The following SLC16A8 variants were observed in gnomAD, a reference collection of about 807,000 sequenced individuals.
The protein encoded by SLC16A8 is monocarboxylate transporter 3.
In SLC16A8, 20 loss-of-function variants were observed where a neutral mutation model predicts 22.4. The ratio of observed to expected loss-of-function variants is 0.89; its 90% CI spans 0.63 to 1.30. The LOEUF is 1.30. SLC16A8 is among the 50% of genes most tolerant of loss of function. SLC16A8 has a pLI of 0.00. For synonymous variants in SLC16A8, 393 were observed against 358.8 expected, an observed-to-expected ratio of 1.10 and a Z score of -1.08; for missense variants, 817 against 740.3, an observed-to-expected ratio of 1.10 and a Z score of -1.20.
At chr22:38,082,557 G>A in intron 3 of SLC16A8, 103 bp downstream of exon 3, 2 of 1,001,068 alleles carry the variant, frequency 2.0e-6, no homozygotes, top group South Asian at 1.7e-5. Context: ...AGGGACTTCG[G>A]GGGCCACCCC....
Position 38,081,403 on chromosome 22 carries a change from C to A in SLC16A8, c.635G>T (p.Arg212Leu). The A allele has an allele frequency of 7.4e-7, 1 of 1,358,730 alleles. No individual in the cohort carries two copies. Among genetic ancestry groups the A allele is most frequent in the Non-Finnish European group, 9.4e-7 (1 of 1,061,210 alleles). The allele number at this position is 1,358,730 out of a possible 1,614,324, so 84.2% of individuals were successfully genotyped here. Residue 212 changes from arginine to leucine, a missense_variant, in exon 5 of 6, where the codon CGC becomes CTC. Coordinates refer to ENST00000681075, the MANE Select transcript of SLC16A8 (RefSeq NM_013356.3). Reference protein sequence around the residue: ...PRPRRDSAGDRAGDAPGEAEA... With the variant: ...PRPRRDSAGDLAGDAPGEAEA... The stretch of plus-strand genomic sequence containing the variant: ...CGCCTCGCCCGGAGCGTCCCCGGCG[C>A]GGTCGCCGGCGCTGTCCCTGCGCGG...
Position 38,078,649 on chromosome 22 carries a change from A to G in SLC16A8, c.1254T>C (p.Ser418=). The change falls in exon 6 of 6, where the codon TCT becomes TCC. Residue 418 remains serine (S), a synonymous_variant. Coordinates refer to ENST00000681075, the MANE Select transcript of SLC16A8 (RefSeq NM_013356.3). The part of the protein sequence containing the change: ...NYEIIFYLAG[S]EVALAGVFMA... ...TGAAGACCCCAGCCAGGGCCACCTCAGAGCCGGCCAGGTAGAAGATGATCT... is the reference window on the plus strand; with the variant it reads ...TGAAGACCCCAGCCAGGGCCACCTCGGAGCCGGCCAGGTAGAAGATGATCT... The G allele has an allele frequency of 6.2e-7, 1 of 1,613,716 alleles. No homozygotes were observed. Among genetic ancestry groups the G allele is most frequent in the Non-Finnish European group, 8.5e-7 (1 of 1,179,672 alleles).
At position 38,082,707 on chromosome 22, in the gene SLC16A8, TCG is replaced by T. The variant is rs1289634548; in HGVS notation, c.165_166del (p.Ser55ArgfsTer168). The T allele has an allele frequency of 1.9e-6, 3 of 1,591,004 alleles. No individual in the cohort carries two copies. In the South Asian group the frequency reaches 3.4e-5, roughly 18 times the overall value. ...CATGATGGAGGACACCCAGGCCGTG[TCG>T]CTGTAGCCGGCGTCGAAGTCGCGCA... On this transcript the variant is annotated frameshift_variant, in exon 3 of 6. Transcript: ENST00000681075. LOFTEE classifies it high-confidence loss of function.
intron 5 of SLC16A8, among the ~76,000 whole-genome samples, chr22:38,079,069 G>T (rs1234171945): frequency 6.6e-6 from 1 of 152,014 alleles, no homozygotes; most frequent in Non-Finnish European, 1.5e-5. Context: ...CCTCCTGGGG[G>T]CCTCCACCTC....
At chr22:38,078,902 C>T (rs1258068381) in intron 5 of SLC16A8, among the ~76,000 whole-genome samples, 198 bp from the exon 6 acceptor site, 1 of 152,274 alleles carries the variant, frequency 6.6e-6, no homozygotes, top group Non-Finnish European at 1.5e-5. Context: ...AAAAATGTCA[C>T]TTGCTGTCCC....
intron 5 of SLC16A8, 63 bp from the exon 6 acceptor site, chr22:38,078,767 T>A: frequency 4.8e-6 from 7 of 1,472,668 alleles, no homozygotes; most frequent in Non-Finnish European, 6.5e-6. Flanking sequence ...CTCACTCTCC[T>A]GCACTCTCAG....
Position 38,081,984 on chromosome 22 carries a change from A to AT in SLC16A8, c.262dup (p.Met88AsnfsTer136). On this transcript the variant is annotated frameshift_variant, in exon 4 of 6. Coordinates refer to ENST00000681075, the MANE Select transcript of SLC16A8 (RefSeq NM_013356.3). LOFTEE classifies it high-confidence loss of function. ...GGAAGCCAGCAGCCCACCCGCCAGC[A>AT]TCACCGGGCGACAGCCAAAGCGGGT... 1 of 1,572,914 alleles carries AT rather than the reference A, an allele frequency of 6.4e-7. No homozygotes were observed. Among genetic ancestry groups the AT allele is most frequent in the Non-Finnish European group, 8.6e-7 (1 of 1,159,504 alleles).
At chr22:38,080,224 A>G (rs2085895853) in intron 5 of SLC16A8, among the ~76,000 whole-genome samples, 1 of 151,966 alleles carries the variant, frequency 6.6e-6, no homozygotes, top group South Asian at 2.1e-4. Flanking sequence ...CTGCCCATCC[A>G]TGCTGTGCCT....
At position 38,078,594 on chromosome 22, in the gene SLC16A8, A is replaced by G; in HGVS notation, c.1309T>C (p.Cys437Arg). Residue 437 changes from cysteine to arginine, a missense_variant, in exon 6 of 6, where the codon TGT becomes CGT. Coordinates refer to ENST00000681075, the MANE Select transcript of SLC16A8 (RefSeq NM_013356.3). The stretch of plus-strand genomic sequence containing the variant: ...GGGCCTGACGGGGCAGCTTTAGCAC[A>G]ACGCAGGCAGCAGTTGGTGGCGACA... ...MAVATNCCLRCAKAAPSGPGT... is the reference protein window; with the variant it reads ...MAVATNCCLRRAKAAPSGPGT... 6.2e-7 allele frequency: 1 copy of G among 1,614,118 alleles called. No homozygotes were observed. Among genetic ancestry groups the G allele is most frequent in the Non-Finnish European group, 8.5e-7 (1 of 1,180,026 alleles).
chr22:38,083,977 A>G lies in SLC16A8; in HGVS notation c.-329+11T>C, dbSNP rs906874385. ...GAGGGTGATCCCAGGCAGCCCTCACATCACACTCACCTGAGCCTGCCTCGT... is the reference window on the plus strand; with the variant it reads ...GAGGGTGATCCCAGGCAGCCCTCACGTCACACTCACCTGAGCCTGCCTCGT... On this transcript the variant is annotated intron_variant, in intron 1 of 5. Transcript: ENST00000681075. 6.6e-6 allele frequency: 1 copy of G among 152,160 alleles called. No individual in the cohort carries two copies. Among genetic ancestry groups the G allele is most frequent in the East Asian group, 1.9e-4 (1 of 5,178 alleles). 9.4% of individuals were successfully genotyped at this position (152,160 alleles called of 1,614,324 possible).
In SLC16A8 at chr22:38,080,861, G is replaced by C. The variant is rs908631066; in HGVS notation, c.1177C>G (p.Leu393Val). 11 of 1,533,624 alleles carry C rather than the reference G, an allele frequency of 7.2e-6. No homozygotes were observed. The highest frequency in any genetic ancestry group is 9.6e-6 in the Non-Finnish European group (11 of 1,147,274). ...LVLLVEAAAV[L>V]IGPPSAGRLV... ...GCACCGGCAGAGGGCGGTCCGATGA[G>C]CACAGCCGCGGCCTCCACGAGCAAC... Residue 393 changes from leucine (L) to valine (V), a missense_variant, in exon 5 of 6, where the codon CTC becomes GTC. Coordinates refer to ENST00000681075, the MANE Select transcript of SLC16A8 (RefSeq NM_013356.3).
rs1261871520 is a variant in SLC16A8 at position 38,082,683 on chromosome 22, A to C, written c.191T>G (p.Met64Arg). 1.0e-5 allele frequency: 16 copies of C among 1,586,266 alleles called. No individual in the cohort carries two copies. The highest frequency in any genetic ancestry group is 1.3e-5 in the African/African-American group (1 of 74,612). ...ACCCGTGCCGTAGAGCATGGCTAGC[A>C]TGATGGAGGACACCCAGGCCGTGTC... ...YSDTAWVSSIMLAMLYGTGPV... is the reference protein window; with the variant it reads ...YSDTAWVSSIRLAMLYGTGPV... The change falls in exon 3 of 6, where the codon ATG (methionine) becomes AGG (arginine). Residue 64 changes from methionine to arginine, a missense_variant. Coordinates refer to ENST00000681075, the MANE Select transcript of SLC16A8 (RefSeq NM_013356.3).
At position 38,082,764 on chromosome 22, in the gene SLC16A8, TTGGGGAA is replaced by T. The variant is rs1376125664; in HGVS notation, c.103_109del (p.Phe35LysfsTer3). On this transcript the variant is annotated frameshift_variant, in exon 3 of 6. Coordinates refer to ENST00000681075, the MANE Select transcript of SLC16A8 (RefSeq NM_013356.3). LOFTEE classifies it high-confidence loss of function. ...CGCGCGGAAGAAGACGCTCACGGCT[TTGGGGAA>T]GCCGTAGGCGAAGCCGGTGACCACA... 5 of 1,595,076 alleles carry T rather than the reference TTGGGGAA, an allele frequency of 3.1e-6. No individual in the cohort carries two copies.
intron 5 of SLC16A8, among the ~76,000 whole-genome samples, chr22:38,078,951 A>G (rs2085882652): frequency 6.6e-6 from 1 of 152,148 alleles, no homozygotes; most frequent in African/African-American, 2.4e-5. Flanking sequence ...GCTTCTGGTG[A>G]GGCGTCCCCT....
chr22:38,079,588 ATTTTG>A (rs552251781), intron 5 of SLC16A8, among the ~76,000 whole-genome samples: 1 of 151,756 alleles, frequency 6.6e-6, no homozygotes, highest in African/African-American at 2.4e-5. Flanking sequence ...CACCTAGCTA[ATTTTG>A]TTTTGTTTTG....
chr22:38,082,137 G>A (rs2085927700), intron 3 of SLC16A8, 105 bp from the exon 4 acceptor site: 3 of 1,326,858 alleles, frequency 2.3e-6, no homozygotes, highest in East Asian at 2.6e-5. Flanking sequence ...GCAGTGTCTG[G>A]CCAAGGTCAC....
chr22:38,081,820 C>G, intron 4 of SLC16A8, 69 bp downstream of exon 4: 1 of 1,519,426 alleles, frequency 6.6e-7, no homozygotes, highest in Non-Finnish European at 8.8e-7. Context: ...ATAGGGAAAC[C>G]GAGGACAGAT....
At chr22:38,082,919 G>T (rs1421500476) in intron 2 of SLC16A8, 38 bp from the exon 3 acceptor site, 1 of 1,222,624 alleles carries the variant, frequency 8.2e-7, no homozygotes, top group Non-Finnish European at 1.1e-6. Flanking sequence ...GAGGGGCTGG[G>T]CCAGCAGCCT....
intron 5 of SLC16A8, 69 bp downstream of exon 5, chr22:38,080,771 C>A: frequency 7.0e-7 from 1 of 1,427,942 alleles, no homozygotes; most frequent in East Asian, 2.6e-5. Context: ...CCATCTGAGA[C>A]AGGGGGATGG....
Sources: gnomAD v4.1 joint callset for allele counts (sites outside exome capture counted in the v4.1 genomes callset) on GRCh38, gnomAD v4.1.1 for gene constraint, MANE v1.5 for transcripts, NCBI Gene and HGNC (gene_info 2026-07-23, HGNC 2026-07-21) for gene names.